CRB1: variants seen among roughly 807,000 people sequenced by gnomAD.
CRB1 encodes crumbs cell polarity complex component 1.
Under a neutral mutation model 120.0 loss-of-function variants are expected in CRB1, and 83 were observed. The ratio of observed to expected loss-of-function variants is 0.69; its 90% CI spans 0.58 to 0.83. CRB1 has a LOEUF of 0.83. CRB1 is among the 40% of genes least tolerant of loss of function. CRB1 has a pLI of 0.00. For synonymous variants in CRB1, 625 were observed against 612.5 expected (o/e 1.02, Z -0.30); for missense variants, 1,699 against 1,687.6 (o/e 1.01, Z -0.12).
At chr1:197,305,516 GA>G (rs1200291256) in intron 1 of CRB1, among the ~76,000 whole-genome samples, 2 of 151,742 alleles carry the variant, frequency 1.3e-5, no homozygotes, top group South Asian at 2.1e-4. Flanking sequence ...GTATGAATAT[GA>G]AAAAATATTA....
At chr1:197,266,323 C>G (rs1301726767), upstream of CRB1, among the ~76,000 whole-genome samples, 2 of 152,036 alleles carry the variant, frequency 1.3e-5, no homozygotes, top group African/African-American at 2.4e-5. Context: ...ATAGAAGGTT[C>G]CTTCTATGTG....
intron 11 of CRB1, among the ~76,000 whole-genome samples, chr1:197,457,221 A>G (rs1286608362): frequency 1.3e-5 from 2 of 152,078 alleles, no homozygotes; most frequent in African/African-American, 2.4e-5. Context: ...GCATCGTATA[A>G]TAATACTAAT....
intron 11 of CRB1, among the ~76,000 whole-genome samples, chr1:197,453,840 T>G (rs547457607): frequency 7.0e-6 from 1 of 142,810 alleles, no homozygotes; most frequent in Non-Finnish European, 1.5e-5. Context: ...TAATATATTA[T>G]CAATATTATT....
At chr1:197,400,365 G>A (rs1191670363) in intron 5 of CRB1, among the ~76,000 whole-genome samples, 1 of 149,428 alleles carries the variant, frequency 6.7e-6, no homozygotes, top group African/African-American at 2.5e-5. Flanking sequence ...AGGCTGGAGA[G>A]CAGTGGCGCA....
At chr1:197,459,182 T>C (rs1198622757) in intron 11 of CRB1, among the ~76,000 whole-genome samples, 1 of 152,088 alleles carries the variant, frequency 6.6e-6, no homozygotes, top group African/African-American at 2.4e-5. Context: ...AGATGATGGA[T>C]TCCCTCGACC....
At chr1:197,446,059 G>T (rs1045190120) in intron 11 of CRB1, among the ~76,000 whole-genome samples, 3 of 151,926 alleles carry the variant, frequency 2.0e-5, no homozygotes, top group Non-Finnish European at 2.9e-5. Flanking sequence ...GCATGGTGGC[G>T]CATGCCTGTA....
intron 5 of CRB1, among the ~76,000 whole-genome samples, chr1:197,380,115 G>A (rs190686893): frequency 4.3e-4 from 65 of 152,246 alleles, no homozygotes; most frequent in African/African-American, 1.5e-3. Flanking sequence ...TTAACACCTC[G>A]GTTCTGCAGA....
At chr1:197,320,261 A>G (rs1033901400) in intron 1 of CRB1, among the ~76,000 whole-genome samples, 1 of 152,178 alleles carries the variant, frequency 6.6e-6, no homozygotes, top group Non-Finnish European at 1.5e-5. Flanking sequence ...CTAATACTTC[A>G]TATACACTAT....
chr1:197,205,561 C>G, the CRB1 span, among the ~76,000 whole-genome samples: 1 of 152,068 alleles, frequency 6.6e-6, no homozygotes, highest in African/African-American at 2.4e-5. Flanking sequence ...TATTGACTTG[C>G]GTATGTTAAA....
intron 5 of CRB1, among the ~76,000 whole-genome samples, chr1:197,377,728 T>A (rs1661722419): frequency 6.6e-6 from 1 of 152,234 alleles, no homozygotes; most frequent in Non-Finnish European, 1.5e-5. Flanking sequence ...ATCTAAGGAT[T>A]TATTTATTCA....
chr1:197,218,043 A>G, the CRB1 span, among the ~76,000 whole-genome samples: 2 of 152,202 alleles, frequency 1.3e-5, no homozygotes, highest in Non-Finnish European at 2.9e-5. Context: ...TTAAAAAACA[A>G]TTTCAGCTCT....
chr1:197,268,323 C>T lies in CRB1; in HGVS notation c.-90C>T. 8 of 942,334 alleles carry T rather than the reference C, an allele frequency of 8.5e-6. No homozygotes were observed. Among genetic ancestry groups the T allele is most frequent in the Non-Finnish European group, 1.4e-5 (8 of 568,402 alleles). 58.4% of individuals were successfully genotyped at this position (942,334 alleles called of 1,614,324 possible). A position where few individuals can be genotyped will look rare whatever the true frequency, so the allele number is the denominator to read the frequency against. On this transcript the variant is annotated 5_prime_UTR_variant, in exon 1 of 12. Transcript: ENST00000367400. ...GATGGCACCTGGGGGTTCTGAGGCA[C>T]CCGCTCCTCTCTGAGACAGACAGGG...
the CRB1 span, among the ~76,000 whole-genome samples, chr1:197,204,519 C>T: frequency 2.0e-5 from 3 of 152,090 alleles, no homozygotes; most frequent in Non-Finnish European, 4.4e-5. Context: ...TTTTTATTTC[C>T]CTGATCATTA....
At chr1:197,369,422 G>A (rs1661252349) in intron 5 of CRB1, among the ~76,000 whole-genome samples, 1 of 151,798 alleles carries the variant, frequency 6.6e-6, no homozygotes, top group East Asian at 1.9e-4. Context: ...CAACCCAGTT[G>A]CGAGGGCAAG....
chr1:197,312,226 AAT>A (rs1657574629), intron 1 of CRB1, among the ~76,000 whole-genome samples: 2 of 152,206 alleles, frequency 1.3e-5, no homozygotes, highest in Admixed American at 1.3e-4. Context: ...AAACAAAAGA[AAT>A]CATAGAAACT....
intron 5 of CRB1, among the ~76,000 whole-genome samples, chr1:197,406,438 C>T (rs1016487922): frequency 2.6e-5 from 4 of 152,172 alleles, no homozygotes; most frequent in East Asian, 1.9e-4. Context: ...ACAGACACTG[C>T]GGAGGGCCGC....
chr1:197,390,424 A>T (rs1222837677), intron 5 of CRB1, among the ~76,000 whole-genome samples: 3 of 151,826 alleles, frequency 2.0e-5, no homozygotes, highest in Non-Finnish European at 4.4e-5. Context: ...TGAATTAGAG[A>T]CTCTGAGCAA....
intron 5 of CRB1, among the ~76,000 whole-genome samples, chr1:197,386,001 T>G (rs1662197383): frequency 6.6e-6 from 1 of 152,064 alleles, no homozygotes; most frequent in African/African-American, 2.4e-5. Context: ...TGATCTTTAT[T>G]CTTCTAAAGC....
chr1:197,453,817 A>C (rs1323965538), intron 11 of CRB1, among the ~76,000 whole-genome samples: 2 of 142,320 alleles, frequency 1.4e-5, no homozygotes, highest in East Asian at 3.9e-4. Context: ...ATATATTGTT[A>C]ATTATTAATT....
Sources: gnomAD v4.1 joint callset for allele counts (sites outside exome capture counted in the v4.1 genomes callset) on GRCh38, gnomAD v4.1.1 for gene constraint, MANE v1.5 for transcripts, NCBI Gene and HGNC (gene_info 2026-07-23, HGNC 2026-07-21) for gene names.